GALNT9: variants seen among roughly 807,000 people sequenced by gnomAD.
GALNT9 encodes the protein polypeptide N-acetylgalactosaminyltransferase 9.
Under a neutral mutation model 63.1 loss-of-function variants are expected in GALNT9, and 47 were observed. The observed-to-expected ratio is 0.75, with a 90% CI of 0.59 to 0.95. The LOEUF is 0.95. Among genes scored for constraint, GALNT9 ranks in the 40% least tolerant of loss-of-function variants. The probability of loss-of-function intolerance (pLI) is 0.00; values close to 1 mark genes in which losing one functional copy is unlikely to be tolerated. For missense variants in GALNT9, 829 were observed against 874.8 expected (o/e 0.95, Z 0.66); for synonymous variants, 396 against 365.7 (o/e 1.08, Z -0.94).
rs782073701 is a variant in GALNT9, at chr12:132,257,705, C to T, written c.943G>A (p.Glu315Lys). The T allele has an allele frequency of 3.1e-5, 48 of 1,549,578 alleles. No homozygotes were observed. The highest frequency in any genetic ancestry group is 3.7e-5 in the Non-Finnish European group (42 of 1,146,618). Reference sequence around the variant, plus strand: ...GCAGCTCACCTGATGGGTGCTGACTCGTCGCCGCGGTCCAGCCAGTCCTGC... The same window carrying T: ...GCAGCTCACCTGATGGGTGCTGACTTGTCGCCGCGGTCCAGCCAGTCCTGC... ...PPQDWLDRGD[E>K]SAPIRTPAMI... Residue 315 changes from glutamate to lysine, a missense_variant, in exon 5 of 11, where the codon GAG becomes AAG. Physicochemically the swap from Glu to Lys is moderately conservative, Grantham distance 56. Transcript: ENST00000328957.
At chr12:132,199,138 C>G in intron 9 of GALNT9, 36 bp downstream of exon 9, 4 of 1,422,016 alleles carry the variant, frequency 2.8e-6, no homozygotes, top group Non-Finnish European at 3.9e-6. Context: ...GGGTCGTCCC[C>G]TTGGGAGCTG....
At chr12:132,304,745 A>G (rs1373997054) in intron 1 of GALNT9, among the ~76,000 whole-genome samples, 25 of 27,610 alleles carry the variant, frequency 9.1e-4, no homozygotes, top group South Asian at 1.9e-3. Flanking sequence ...CCTCACCCAG[A>G]CACAGCCTCG....
chr12:132,222,981 CAACCCACACCCCACAT>C (rs1331230831), intron 6 of GALNT9, among the ~76,000 whole-genome samples: 29 of 146,844 alleles, frequency 2.0e-4, no homozygotes, highest in African/African-American at 7.1e-4. Flanking sequence ...GCACCCCACA[CAACCCACACCCCACAT>C]ACACCCCACA....
intron 1 of GALNT9, among the ~76,000 whole-genome samples, chr12:132,313,920 G>T (rs1881922872): frequency 6.7e-5 from 5 of 74,438 alleles, no homozygotes; most frequent in East Asian, 9.3e-4. Context: ...CCAACCACCT[G>T]CCCATCCACC....
intron 5 of GALNT9, among the ~76,000 whole-genome samples, chr12:132,250,707 CT>C (rs2135536623): frequency 6.6e-6 from 1 of 152,350 alleles, no homozygotes; most frequent in Admixed American, 6.5e-5. Flanking sequence ...AGGAGAATCA[CT>C]TGAACCTGGG....
chr12:132,304,918 G>C (rs1257947828), intron 1 of GALNT9, among the ~76,000 whole-genome samples: 33 of 6,914 alleles, frequency 4.8e-3, no homozygotes, highest in Admixed American at 6.0e-3. Flanking sequence ...CGCCCTCACC[G>C]GGGCACACCC....
In GALNT9 at chr12:132,265,903, C is replaced by G. The variant is rs1374670944; in HGVS notation, c.420-3278G>C. On this transcript the variant is annotated intron_variant, in intron 2 of 10. Transcript: ENST00000328957. The surrounding 1 kb of genome is among the most constrained non-coding windows in gnomAD (Gnocchi z 5.3). Reference sequence around the variant, plus strand: ...ATGATACATGCAGTGTGTGTTGGAGCATGTAGGTACTGAGCATGTGTGCCA... The same window carrying G: ...ATGATACATGCAGTGTGTGTTGGAGGATGTAGGTACTGAGCATGTGTGCCA... Among the ~76,000 whole-genome samples, 3 of 152,258 alleles carry G rather than the reference C, an allele frequency of 2.0e-5. No individual in the cohort carries two copies. The highest frequency in any genetic ancestry group is 4.8e-5 in the African/African-American group (2 of 41,468).
intron 6 of GALNT9, among the ~76,000 whole-genome samples, chr12:132,207,174 C>T (rs373988610): frequency 3.9e-5 from 6 of 152,308 alleles, no homozygotes; most frequent in African/African-American, 7.2e-5. Flanking sequence ...GCTGGGCGTC[C>T]GGACCAGAGG....
intron 1 of GALNT9, among the ~76,000 whole-genome samples, chr12:132,324,160 G>T (rs1371321157): frequency 2.6e-5 from 4 of 152,030 alleles, no homozygotes; most frequent in African/African-American, 9.6e-5. Flanking sequence ...AAACGCTTAC[G>T]CAGAGCAGAG....
intron 6 of GALNT9, among the ~76,000 whole-genome samples, chr12:132,215,425 C>G (rs10751712): frequency 0.86 from 131,445 of 152,264 alleles, 57,031 homozygotes; most frequent in East Asian, 1. Context: ...GTGTGGCCCT[C>G]GCTCTTGGTG....
chr12:132,209,178 G>C (rs1240959004), intron 6 of GALNT9, among the ~76,000 whole-genome samples: 5 of 152,174 alleles, frequency 3.3e-5, no homozygotes, highest in African/African-American at 1.2e-4. Flanking sequence ...CTAAGTCACA[G>C]GATGAGATAG....
chr12:132,200,766 G>T, intron 8 of GALNT9: 1 of 268,488 alleles, frequency 3.7e-6, no homozygotes, highest in South Asian at 4.8e-5. Flanking sequence ...ATACGTGAGA[G>T]CGTAGGTACA....
intron 2 of GALNT9, among the ~76,000 whole-genome samples, chr12:132,268,826 G>A (rs868985355): frequency 2.6e-5 from 4 of 152,196 alleles, no homozygotes; most frequent in Non-Finnish European, 5.9e-5. Context: ...GGAGCCACAC[G>A]GGGGCCGCTG....
chr12:132,324,630 A>G (rs572572007), intron 1 of GALNT9, among the ~76,000 whole-genome samples: 1 of 152,266 alleles, frequency 6.6e-6, no homozygotes, highest in South Asian at 2.1e-4. Flanking sequence ...AGCAGATGCC[A>G]TGGCCCCGGC....
chr12:132,286,412 C>A lies in GALNT9; in HGVS notation c.257G>T (p.Gly86Val). ...NQLNGLAKPI[G>V]LVEGPGGLGQ... ...CAGGCCTCCTGGCCCCTCCACCAGG[C>A]CGATGGGCTTGGCAAGGCCTGGGGG... The change falls in exon 2 of 11, where the codon GGC (glycine) becomes GTC (valine). Residue 86 changes from glycine to valine, a missense_variant. Physicochemically the swap from Gly to Val is moderately radical, Grantham distance 109. Coordinates refer to ENST00000328957, the MANE Select transcript of GALNT9 (RefSeq NM_001122636.2). This position sits in a 1 kb window ranked among gnomAD's most constrained non-coding sequence, Gnocchi z 7.4. 6.5e-7 allele frequency: 1 copy of A among 1,550,240 alleles called. No homozygotes were observed. Among genetic ancestry groups the A allele is most frequent in the South Asian group, 1.2e-5 (1 of 83,996 alleles).
chr12:132,325,708 G>C (rs35736084), intron 1 of GALNT9, among the ~76,000 whole-genome samples: 31,598 of 152,222 alleles, frequency 0.21, 3,408 homozygotes, highest in East Asian at 0.26. Flanking sequence ...CTCAGGCCCA[G>C]ACCTCTCAGA....
intron 2 of GALNT9, among the ~76,000 whole-genome samples, chr12:132,270,737 C>T (rs554407657): frequency 6.6e-5 from 10 of 152,310 alleles, no homozygotes; most frequent in African/African-American, 2.2e-4. Flanking sequence ...GCCACAGCCA[C>T]GACACCCTGC....
chr12:132,297,784 A>G (rs1397906560), intron 1 of GALNT9, among the ~76,000 whole-genome samples: 2 of 151,686 alleles, frequency 1.3e-5, no homozygotes, highest in African/African-American at 2.4e-5. Flanking sequence ...AACCGATCCC[A>G]CAATAACCAA....
chr12:132,294,263 G>A (rs1360954611), intron 1 of GALNT9, among the ~76,000 whole-genome samples: 1 of 152,194 alleles, frequency 6.6e-6, no homozygotes, highest in Non-Finnish European at 1.5e-5. Flanking sequence ...AGTCAGCAGA[G>A]AGATGGGAGT....
Sources: gnomAD v4.1 joint callset for allele counts (sites outside exome capture counted in the v4.1 genomes callset) on GRCh38, gnomAD v4.1.1 for gene constraint, Gnocchi (gnomAD v3.1) non-coding constraint, MANE v1.5 for transcripts, NCBI Gene and HGNC (gene_info 2026-07-23, HGNC 2026-07-21) for gene names.